SAMTOR: variants seen among roughly 807,000 people sequenced by gnomAD.
SAMTOR encodes UPF0532 protein C7orf60.
At chr7:112,926,921 A>C in the SAMTOR span, among the ~76,000 whole-genome samples, 2 of 152,086 alleles carry the variant, frequency 1.3e-5, no homozygotes, top group Admixed American at 1.3e-4. Context: ...CATTTTGTTA[A>C]AAGTCTGGTG....
chr7:112,873,828 T>C, the SAMTOR span, among the ~76,000 whole-genome samples: 49 of 152,020 alleles, frequency 3.2e-4, no homozygotes, highest in Non-Finnish European at 4.3e-4. Flanking sequence ...AGCTGTAGTA[T>C]CTAGAATCTA....
chr7:112,901,939 G>A, the SAMTOR span, among the ~76,000 whole-genome samples: 6 of 152,130 alleles, frequency 3.9e-5, no homozygotes, highest in Admixed American at 3.9e-4. Flanking sequence ...CTAGACAACA[G>A]AGTATTATTC....
At chr7:112,938,811 C>T in the SAMTOR span, among the ~76,000 whole-genome samples, 1 of 152,234 alleles carries the variant, frequency 6.6e-6, no homozygotes, top group Non-Finnish European at 1.5e-5. Context: ...AGGCTTCTTC[C>T]CCTATGAGCT....
At chr7:112,858,988 A>T in the SAMTOR span, among the ~76,000 whole-genome samples, 3 of 152,174 alleles carry the variant, frequency 2.0e-5, no homozygotes, top group South Asian at 6.2e-4. Context: ...ATTAACTTTA[A>T]ATTAGCAGAC....
chr7:112,826,820 A>G, the SAMTOR span, among the ~76,000 whole-genome samples: 1 of 152,136 alleles, frequency 6.6e-6, no homozygotes. Flanking sequence ...TTATTTCAAA[A>G]AAGTTCTAAT....
chr7:112,930,191 A>G, the SAMTOR span, among the ~76,000 whole-genome samples: 1 of 152,162 alleles, frequency 6.6e-6, no homozygotes, highest in South Asian at 2.1e-4. Context: ...GACTAAGTGC[A>G]AACAAGTTCA....
the SAMTOR span, among the ~76,000 whole-genome samples, chr7:112,867,346 G>C: frequency 6.6e-6 from 1 of 152,146 alleles, no homozygotes; most frequent in Admixed American, 6.5e-5. Context: ...TAAAGAACAT[G>C]TATAACTACT....
At chr7:112,902,462 C>CAAAAAAAAAAAAAAAAAAAA in the SAMTOR span, among the ~76,000 whole-genome samples, 1 of 83,664 alleles carries the variant, frequency 1.2e-5, no homozygotes, top group African/African-American at 3.9e-5. Flanking sequence ...AAAAAAAAAC[C>CAAAAAAAAAAAAAAAAAAAA]AAAAAAGTTG....
the SAMTOR span, among the ~76,000 whole-genome samples, chr7:112,868,703 C>A: frequency 2.0e-5 from 3 of 152,314 alleles, no homozygotes; most frequent in East Asian, 5.8e-4. Context: ...ATTTTAGTAT[C>A]AGTCAGAGAC....
chr7:112,842,084 A>T, the SAMTOR span, among the ~76,000 whole-genome samples: 8 of 152,100 alleles, frequency 5.3e-5, no homozygotes, highest in South Asian at 1.7e-3. Flanking sequence ...CATGCTTAGT[A>T]ATGATTTTTA....
the SAMTOR span, among the ~76,000 whole-genome samples, chr7:112,909,791 T>A: frequency 6.6e-6 from 1 of 151,844 alleles, no homozygotes; most frequent in African/African-American, 2.4e-5. Context: ...ACAAAGTTGT[T>A]AAGCAAAAAT....
chr7:112,915,584 T>C, the SAMTOR span: 11 of 498,928 alleles, frequency 2.2e-5, no homozygotes, highest in Non-Finnish European at 3.2e-5. Context: ...ATTTTAAACA[T>C]TTAAAATGTT....
chr7:112,891,704 T>C, the SAMTOR span, among the ~76,000 whole-genome samples: 1 of 152,250 alleles, frequency 6.6e-6, no homozygotes, highest in Admixed American at 6.5e-5. Context: ...CACCATAGTC[T>C]ATGAAGTGTG....
At chr7:112,920,709 T>A in the SAMTOR span, among the ~76,000 whole-genome samples, 3 of 146,254 alleles carry the variant, frequency 2.1e-5, no homozygotes, top group Middle Eastern at 3.5e-3. Context: ...CCCCACTGTC[T>A]CAGCCCAAAA....
chr7:112,848,487 G>A, the SAMTOR span, among the ~76,000 whole-genome samples: 3 of 152,152 alleles, frequency 2.0e-5, no homozygotes. Flanking sequence ...ACAGTGCAAT[G>A]TTTGCATTAG....
the SAMTOR span, among the ~76,000 whole-genome samples, chr7:112,929,317 G>A: frequency 1.3e-5 from 2 of 151,792 alleles, no homozygotes; most frequent in Admixed American, 6.6e-5. Context: ...CACAAAAAAT[G>A]GCCAATGGGT....
chr7:112,902,659 TTAACAACTC>T, the SAMTOR span, among the ~76,000 whole-genome samples: 1 of 152,002 alleles, frequency 6.6e-6, no homozygotes, highest in Non-Finnish European at 1.5e-5. Context: ...CAGTATAAGT[TTAACAACTC>T]TAACAAATGT....
At chr7:112,934,355 T>C in the SAMTOR span, among the ~76,000 whole-genome samples, 3 of 152,184 alleles carry the variant, frequency 2.0e-5, no homozygotes, top group African/African-American at 7.2e-5. Flanking sequence ...AACTAAATCA[T>C]TACCATTATC....
chr7:112,939,080 T>C, the SAMTOR span: 11,581 of 156,122 alleles, frequency 0.074, 956 homozygotes, highest in African/African-American at 0.2. Context: ...TGGAAGCCAA[T>C]GCGAGGAAGG....
Sources: allele counts gnomAD v4.1 joint callset (sites outside exome capture counted in the v4.1 genomes callset), GRCh38; gene constraint gnomAD v4.1.1; transcripts MANE v1.5; gene names NCBI Gene and HGNC (gene_info 2026-07-23, HGNC 2026-07-21).